Variants in GRM1 observed in about 807,000 individuals in gnomAD.
GRM1 encodes the protein glutamate metabotropic receptor 1, also known as metabotropic glutamate receptor 1.
Under a neutral mutation model 90.9 loss-of-function variants are expected in GRM1, and 33 were observed. The observed-to-expected ratio is 0.36, with a 90% CI of 0.28 to 0.49. The LOEUF (loss-of-function observed/expected upper bound fraction) is 0.49, where lower values mean the gene tolerates loss of function less well. Ranked by LOEUF, GRM1 falls within the 20% of genes least tolerant of loss-of-function variation. The pLI is 0.99. For synonymous variants in GRM1, 700 were observed against 613.2 expected (o/e 1.14, Z -2.09); for missense variants, 1,190 against 1,534.3 (o/e 0.78, Z 3.75).
chr6:146,429,724 C>CT (rs1778335853), intron 7 of GRM1, among the ~76,000 whole-genome samples: 1 of 152,216 alleles, frequency 6.6e-6, no homozygotes, highest in East Asian at 1.9e-4. Context: ...GCCTTTTTAT[C>CT]TTTTTTCTTG....
rs145907635 is a variant in GRM1 at position 146,132,018 on chromosome 6, G to T, written c.701-27330G>T. On this transcript the variant is annotated intron_variant, in intron 1 of 7. Transcript: ENST00000282753. ...TGAGTGAAGTCTCCCGGCAAGGAAA[G>T]AACTTGTCACATTTGATAATGAAAA... Among the ~76,000 whole-genome samples, 833 of 152,268 alleles carry T rather than the reference G, an allele frequency of 5.5e-3. 3 individuals are homozygous for T. The highest frequency in any genetic ancestry group is 8.1e-3 in the Admixed American group (124 of 15,296).
intron 2 of GRM1, among the ~76,000 whole-genome samples, chr6:146,237,604 G>A (rs571439676): frequency 1.1e-4 from 17 of 150,230 alleles, no homozygotes; most frequent in Admixed American, 5.3e-4. Context: ...CTCCTTCAGA[G>A]AAGCTGATAT....
intron 2 of GRM1, among the ~76,000 whole-genome samples, chr6:146,176,483 G>T (rs745659360): frequency 7.9e-5 from 12 of 151,948 alleles, no homozygotes; most frequent in Admixed American, 1.3e-4. Context: ...CAGTAATAAA[G>T]ACTCAGAGAT....
intron 2 of GRM1, among the ~76,000 whole-genome samples, chr6:146,280,535 T>C (rs1782529640): frequency 6.6e-6 from 1 of 152,194 alleles, no homozygotes; most frequent in Non-Finnish European, 1.5e-5. Flanking sequence ...CCCAGAATTG[T>C]ATAATTTTTC....
chr6:146,028,376 A>C (rs981842951), upstream of GRM1, among the ~76,000 whole-genome samples: 6 of 151,686 alleles, frequency 4.0e-5, no homozygotes, highest in Non-Finnish European at 7.4e-5. Context: ...CCTGCCAGGG[A>C]ATGTCTGGCT....
chr6:146,200,239 AG>A (rs1779257085), intron 2 of GRM1, among the ~76,000 whole-genome samples: 2 of 152,172 alleles, frequency 1.3e-5, no homozygotes, highest in Non-Finnish European at 2.9e-5. Flanking sequence ...CGTTCACTGC[AG>A]GAGGTACTAG....
chr6:146,367,476 T>C (rs1209639012), intron 5 of GRM1, among the ~76,000 whole-genome samples: 1 of 152,132 alleles, frequency 6.6e-6, no homozygotes, highest in Non-Finnish European at 1.5e-5. Flanking sequence ...GTTTTTTACA[T>C]GGATAAATTG....
intron 1 of GRM1, among the ~76,000 whole-genome samples, chr6:146,088,020 T>C (rs1776601621): frequency 6.6e-6 from 1 of 152,212 alleles, no homozygotes; most frequent in Admixed American, 6.5e-5. Flanking sequence ...ACTGCCAAAC[T>C]ATTTTCCAGA....
intron 1 of GRM1, among the ~76,000 whole-genome samples, chr6:146,040,923 C>A (rs1378923428): frequency 4.0e-5 from 6 of 151,770 alleles, no homozygotes; most frequent in African/African-American, 1.5e-4. Flanking sequence ...CAGAGGCATT[C>A]TTTATTCCTT....
chr6:146,343,642 G>T (rs1554298948), intron 3 of GRM1, among the ~76,000 whole-genome samples: 1 of 139,630 alleles, frequency 7.2e-6, no homozygotes, highest in Non-Finnish European at 1.5e-5. Context: ...TTTTATTGTT[G>T]TTGTTGTTGT....
chr6:146,183,453 G>A (rs1778619177), intron 2 of GRM1, among the ~76,000 whole-genome samples: 1 of 152,120 alleles, frequency 6.6e-6, no homozygotes, highest in Admixed American at 6.6e-5. Flanking sequence ...TCTTAGGATT[G>A]TGGTGAGGGT....
In GRM1 at chr6:146,116,710, T is replaced by C. The variant is rs905345743; in HGVS notation, c.701-42638T>C. Among the ~76,000 whole-genome samples the C allele has an allele frequency of 4.6e-5, 7 of 152,156 alleles. No homozygotes were observed. The South Asian group carries it at 1.4e-3, about 32-fold the overall frequency. ...TTGATAAAATTTACCAGTTAAGTCATCTAATTTCAGTAAATTTGGGGAGAG... is the reference window on the plus strand; with the variant it reads ...TTGATAAAATTTACCAGTTAAGTCACCTAATTTCAGTAAATTTGGGGAGAG... On this transcript the variant is annotated intron_variant, in intron 1 of 7. Coordinates refer to ENST00000282753, the MANE Select transcript of GRM1 (RefSeq NM_001278064.2).
chr6:146,395,055 T>G (rs1305555305), intron 6 of GRM1, among the ~76,000 whole-genome samples: 1 of 152,022 alleles, frequency 6.6e-6, no homozygotes, highest in Non-Finnish European at 1.5e-5. Context: ...TTCACAAATA[T>G]TCTTCAAATG....
chr6:146,072,931 A>G (rs1348886775), intron 1 of GRM1, among the ~76,000 whole-genome samples: 1 of 152,076 alleles, frequency 6.6e-6, no homozygotes, highest in Non-Finnish European at 1.5e-5. Flanking sequence ...CCAAATTACT[A>G]TTTAGTGGTA....
Position 146,223,603 on chromosome 6 carries a change from T to A in GRM1, c.950+64006T>A, listed in dbSNP as rs141303028. Reference sequence around the variant, plus strand: ...TATAACAGCCTTGAAAAATGCCAATTTTTTTTCAGGAATATCACTAAAATA... The same window carrying A: ...TATAACAGCCTTGAAAAATGCCAATATTTTTTCAGGAATATCACTAAAATA... On this transcript the variant is annotated intron_variant, in intron 2 of 7. Transcript: ENST00000282753. Among the ~76,000 whole-genome samples, 16 of 152,162 alleles carry A rather than the reference T, an allele frequency of 1.1e-4. No homozygotes were observed. In the East Asian group the frequency reaches 3.1e-3, roughly 29 times the overall value.
intron 1 of GRM1, among the ~76,000 whole-genome samples, chr6:146,030,874 T>G (rs1018146285): frequency 6.6e-6 from 1 of 152,198 alleles, no homozygotes; most frequent in Non-Finnish European, 1.5e-5. Context: ...TCATCCAGAT[T>G]CCCTCACTCC....
At chr6:146,121,460 A>AT (rs1171177633) in intron 1 of GRM1, among the ~76,000 whole-genome samples, 4 of 151,294 alleles carry the variant, frequency 2.6e-5, no homozygotes, top group African/African-American at 9.7e-5. Context: ...GATCTTAGTT[A>AT]TTTTTTCCCT....
chr6:146,405,960 G>T (rs373665625), intron 7 of GRM1, among the ~76,000 whole-genome samples: 29 of 152,294 alleles, frequency 1.9e-4, no homozygotes, highest in African/African-American at 6.3e-4. Flanking sequence ...AGGTTTCAGT[G>T]CTATAATCTG....
chr6:146,407,819 A>T (rs1322560954), intron 7 of GRM1, among the ~76,000 whole-genome samples: 1 of 152,208 alleles, frequency 6.6e-6, no homozygotes, highest in Non-Finnish European at 1.5e-5. Context: ...CACGCATTAA[A>T]TTCAATTAAT....
Sources: gnomAD v4.1 joint callset for allele counts (sites outside exome capture counted in the v4.1 genomes callset) on GRCh38, gnomAD v4.1.1 for gene constraint, MANE v1.5 for transcripts, NCBI Gene and HGNC (gene_info 2026-07-23, HGNC 2026-07-21) for gene names.